RUNX1: variants seen among roughly 807,000 people sequenced by gnomAD.
RUNX1 encodes runt-related transcription factor 1.
RUNX1 carries 19 observed loss-of-function variants against 42.8 expected under a neutral mutation model. The observed-to-expected ratio is 0.44, with a 90% CI of 0.31 to 0.65. The LOEUF is 0.65. RUNX1 is among the 30% of genes least tolerant of loss of function. RUNX1 has a pLI of 0.07. For synonymous variants in RUNX1, 271 were observed against 289.4 expected (o/e 0.94, Z 0.64); for missense variants, 528 against 672.0 (o/e 0.79, Z 2.37).
At chr21:34,973,450 T>C (rs1164444011) in intron 2 of RUNX1, among the ~76,000 whole-genome samples, 1 of 152,224 alleles carries the variant, frequency 6.6e-6, no homozygotes, top group Admixed American at 6.5e-5. Context: ...GGGAAATTTT[T>C]GTATGTGAAT....
chr21:34,993,920 T>A (rs1879234219), intron 2 of RUNX1, among the ~76,000 whole-genome samples: 1 of 152,188 alleles, frequency 6.6e-6, no homozygotes, highest in South Asian at 2.1e-4. Context: ...TTATTCCACA[T>A]CATTCACTGA....
At chr21:34,828,390 C>A (rs375378047) in intron 7 of RUNX1, among the ~76,000 whole-genome samples, 4 of 152,320 alleles carry the variant, frequency 2.6e-5, no homozygotes, top group African/African-American at 7.2e-5. Context: ...TTTGATTTCA[C>A]AAAGCTAATG....
intron 2 of RUNX1, among the ~76,000 whole-genome samples, chr21:34,974,742 T>C (rs1569133196): frequency 6.6e-6 from 1 of 152,222 alleles, no homozygotes; most frequent in Non-Finnish European, 1.5e-5. Flanking sequence ...AGGAACAGAA[T>C]GATTAACACT....
At chr21:35,047,547 A>ACTCTCTCTCTCCCTCT in intron 2 of RUNX1, among the ~76,000 whole-genome samples, 1 of 123,310 alleles carries the variant, frequency 8.1e-6, no homozygotes, top group East Asian at 2.9e-4. Context: ...ACACACACAC[A>ACTCTCTCTCTCCCTCT]CACACACACA....
chr21:34,892,200 T>C lies in RUNX1; in HGVS notation c.97+725A>G, dbSNP rs923965166. On this transcript the variant is annotated intron_variant, in intron 3 of 8. Transcript: ENST00000675419. ...TGGTTTGGAACCAAATAGCTGCAGT[T>C]TGTATTGATGTCACAGGGATGGAAA... 2.6e-5 allele frequency among the ~76,000 whole-genome samples: 4 copies of C among 152,252 alleles called. No homozygotes were observed. In the East Asian group the frequency reaches 7.7e-4, roughly 29 times the overall value.
At chr21:34,910,383 G>GTT (rs780634350) in intron 2 of RUNX1, among the ~76,000 whole-genome samples, 5 of 144,884 alleles carry the variant, frequency 3.5e-5, no homozygotes, top group Non-Finnish European at 4.6e-5. Flanking sequence ...TTTCAGAACT[G>GTT]TTTTTTTTTT....
chr21:34,816,428 G>A (rs1013350108), intron 7 of RUNX1, among the ~76,000 whole-genome samples: 6 of 152,084 alleles, frequency 3.9e-5, no homozygotes, highest in Non-Finnish European at 7.4e-5. Flanking sequence ...ATGGCATCTC[G>A]GTGGTGGTGG....
In RUNX1 at chr21:34,971,110, A is replaced by G. The variant is rs16992589; in HGVS notation, c.58+77732T>C. On this transcript the variant is annotated intron_variant, in intron 2 of 8. Transcript: ENST00000675419. The stretch of plus-strand genomic sequence containing the variant: ...AGGGAGGTCGAAGAATGTGTCCAAA[A>G]TGCCTGGGATTATGTATACTATGCT... Among the ~76,000 whole-genome samples the G allele has an allele frequency of 5.4e-3, 818 of 152,290 alleles. 8 individuals carry two copies. Among genetic ancestry groups the G allele is most frequent in the African/African-American group, 0.019 (783 of 41,552 alleles).
At chr21:34,995,294 T>C (rs537327225) in intron 2 of RUNX1, among the ~76,000 whole-genome samples, 1 of 152,240 alleles carries the variant, frequency 6.6e-6, no homozygotes, top group East Asian at 1.9e-4. Flanking sequence ...GGGAACCCAA[T>C]TTCTCACTGG....
chr21:34,974,781 C>G (rs756177055), intron 2 of RUNX1, among the ~76,000 whole-genome samples: 2 of 152,140 alleles, frequency 1.3e-5, no homozygotes, highest in African/African-American at 2.4e-5. Context: ...CTATTTTGCT[C>G]TTGTTTATTT....
At chr21:34,882,991 A>G (rs186667406) in intron 4 of RUNX1, among the ~76,000 whole-genome samples, 170 of 152,342 alleles carry the variant, frequency 1.1e-3, no homozygotes, top group African/African-American at 3.9e-3. Context: ...GGTGAAAATA[A>G]ATAAATCTTC....
At chr21:34,878,169 CAA>C (rs67348360) in intron 5 of RUNX1, among the ~76,000 whole-genome samples, 26,328 of 111,494 alleles carry the variant, frequency 0.24, 2,507 homozygotes, top group Non-Finnish European at 0.29. Context: ...AAGCAAATTG[CAA>C]AAAAAAAAAA....
At chr21:34,822,479 G>A (rs1601394406) in intron 7 of RUNX1, among the ~76,000 whole-genome samples, 1 of 152,200 alleles carries the variant, frequency 6.6e-6, no homozygotes, top group Non-Finnish European at 1.5e-5. Flanking sequence ...CACAAACAAA[G>A]GCTATCATTT....
At position 34,843,131 on chromosome 21, in the gene RUNX1, G is replaced by A. The variant is rs927540338; in HGVS notation, c.614-8530C>T. Among the ~76,000 whole-genome samples the A allele has an allele frequency of 6.6e-6, 1 of 151,914 alleles. No individual in the cohort carries two copies. Among genetic ancestry groups the A allele is most frequent in the Non-Finnish European group, 1.5e-5 (1 of 67,970 alleles). ...ACACACATGTATAAACACACATACA[G>A]ACACACATGGACATATACACACAAA... On this transcript the variant is annotated intron_variant, in intron 6 of 8. Coordinates refer to ENST00000675419, the MANE Select transcript of RUNX1 (RefSeq NM_001754.5). The surrounding 1 kb of genome is among the most constrained non-coding windows in gnomAD (Gnocchi z 4.8).
intron 6 of RUNX1, among the ~76,000 whole-genome samples, chr21:34,848,806 C>T (rs986090394): frequency 5.9e-5 from 9 of 152,220 alleles, no homozygotes; most frequent in East Asian, 1.9e-4. Context: ...GACGTGGCTC[C>T]GCATATTTCT....
At chr21:34,877,046 T>C (rs990867667) in intron 5 of RUNX1, among the ~76,000 whole-genome samples, 2 of 152,070 alleles carry the variant, frequency 1.3e-5, no homozygotes, top group African/African-American at 4.8e-5. Context: ...TTAGTAGAGA[T>C]GGCGGTGTCA....
chr21:34,990,757 A>G (rs2409564), intron 2 of RUNX1, among the ~76,000 whole-genome samples: 39,010 of 151,590 alleles, frequency 0.26, 7,513 homozygotes, highest in African/African-American at 0.54. Context: ...ACGCCTGGCT[A>G]ATTTTTGTAT....
chr21:34,877,981 C>T lies in RUNX1; in HGVS notation c.508+2576G>A, dbSNP rs189941922. Among the ~76,000 whole-genome samples the T allele has an allele frequency of 9.9e-5, 15 of 152,134 alleles. No homozygotes were observed. The East Asian group carries it at 2.1e-3, about 22-fold the overall frequency. On this transcript the variant is annotated intron_variant, in intron 5 of 8. Transcript: ENST00000675419. ...AGAGCCAGGGCCTTCTGAGCCATGG[C>T]GTGGTGTGTTCATGCCAAGGGTATA...
At chr21:34,913,692 G>A (rs1000953110) in intron 2 of RUNX1, among the ~76,000 whole-genome samples, 3 of 152,148 alleles carry the variant, frequency 2.0e-5, no homozygotes, top group African/African-American at 7.2e-5. Flanking sequence ...AATTCACATG[G>A]CAGCATCGTA....
Sources: gnomAD v4.1 joint callset for allele counts (sites outside exome capture counted in the v4.1 genomes callset) on GRCh38, gnomAD v4.1.1 for gene constraint, Gnocchi (gnomAD v3.1) non-coding constraint, MANE v1.5 for transcripts, NCBI Gene and HGNC (gene_info 2026-07-23, HGNC 2026-07-21) for gene names.